The following UROS variants were observed in gnomAD, a reference collection of about 807,000 sequenced individuals.
UROS encodes uroporphyrinogen III synthase.
A neutral mutation model predicts 33.0 loss-of-function variants in UROS; 18 were observed. That is an observed-to-expected ratio of 0.55 (90% CI 0.38 to 0.81). The LOEUF (loss-of-function observed/expected upper bound fraction) is 0.81, where lower values mean the gene tolerates loss of function less well. Ranked by LOEUF, UROS falls within the 30% of genes least tolerant of loss-of-function variation. The pLI is 0.00. For missense variants in UROS, 293 were observed against 314.9 expected (o/e 0.93, Z 0.53); for synonymous variants, 114 against 121.1 (o/e 0.94, Z 0.38).
chr10:125,796,266 G>A (rs569379036), intron 7 of UROS, 78 bp from the exon 8 acceptor site: 1 of 1,409,152 alleles, frequency 7.1e-7, no homozygotes, highest in African/African-American at 1.4e-5. Flanking sequence ...CAGCACAGTT[G>A]GTGAAACCTC....
chr10:125,811,850 T>TA (rs1177677972), intron 5 of UROS, among the ~76,000 whole-genome samples: 1 of 152,116 alleles, frequency 6.6e-6, no homozygotes, highest in Non-Finnish European at 1.5e-5. Context: ...TTTAGGCTTT[T>TA]AAAAAAATTA....
Position 125,807,398 on chromosome 10 carries a change from T to C in UROS, c.394+15A>G, listed in dbSNP as rs562120567. ...AAATAAATGGCTTCATTTGGAGTGA[T>C]GTTTTTCTACTTACTGGAACAAATA... is the stretch of plus-strand genomic sequence containing the variant. On this transcript the variant is annotated intron_variant, in intron 6 of 9. Transcript: ENST00000368797. 1.2e-6 allele frequency: 2 copies of C among 1,611,810 alleles called. No homozygotes were observed. The highest frequency in any genetic ancestry group is 2.2e-5 in the East Asian group (1 of 44,866).
chr10:125,799,771 C>A (rs1353457531), intron 6 of UROS, among the ~76,000 whole-genome samples: 1 of 152,164 alleles, frequency 6.6e-6, no homozygotes, highest in Non-Finnish European at 1.5e-5. Context: ...ACCCTGTCAG[C>A]AGAAAGGAGA....
In UROS at chr10:125,800,708, C is replaced by T. The variant is rs139512165; in HGVS notation, c.395-2563G>A. ...TCCTGAGTAGCTGGGATTACAGACG[C>T]GGCCACCAAGCCCAGGTAATTTTTG... On this transcript the variant is annotated intron_variant, in intron 6 of 9. Coordinates refer to ENST00000368797, the MANE Select transcript of UROS (RefSeq NM_000375.3). 1.4e-3 allele frequency among the ~76,000 whole-genome samples: 207 copies of T among 151,942 alleles called. 4 individuals carry two copies. In the South Asian group the frequency reaches 0.027, roughly 20 times the overall value.
intron 8 of UROS, 38 bp from the exon 9 acceptor site, chr10:125,795,016 A>C (rs1851241382): frequency 6.4e-7 from 1 of 1,551,278 alleles, no homozygotes; most frequent in Non-Finnish European, 8.9e-7. Context: ...CCTTGCCATG[A>C]GACTGAGGAG....
intron 1 of UROS, among the ~76,000 whole-genome samples, chr10:125,822,659 T>C (rs542493791): frequency 6.6e-6 from 1 of 152,244 alleles, no homozygotes; most frequent in African/African-American, 2.4e-5. Flanking sequence ...GGTTTTGCCA[T>C]GTTGGCCAGG....
At chr10:125,798,794 A>C (rs1851572790) in intron 6 of UROS, among the ~76,000 whole-genome samples, 1 of 152,212 alleles carries the variant, frequency 6.6e-6, no homozygotes, top group Non-Finnish European at 1.5e-5. Flanking sequence ...CCACTCTGGG[A>C]AGACTTAAGG....
Position 125,815,182 on chromosome 10 carries a change from T to A in UROS, c.148-52A>T, listed in dbSNP as rs770209301. On this transcript the variant is annotated intron_variant, in intron 3 of 9. Coordinates refer to ENST00000368797, the MANE Select transcript of UROS (RefSeq NM_000375.3). ...TTTTATACGATGGCTATGTTCAACA[T>A]CTTCCAAGGAGCTAAGACTCAGAAT... The A allele has an allele frequency of 1.1e-5, 17 of 1,591,150 alleles. No homozygotes were observed. The East Asian group carries it at 3.8e-4, about 36-fold the overall frequency.
intron 1 of UROS, among the ~76,000 whole-genome samples, chr10:125,818,139 TTC>T (rs1389837191): frequency 6.6e-6 from 1 of 152,200 alleles, no homozygotes; most frequent in Non-Finnish European, 1.5e-5. Flanking sequence ...AGCATTTGTC[TTC>T]TTTTTTAATC....
chr10:125,787,103 GT>G (rs1408914894), downstream of UROS, among the ~76,000 whole-genome samples: 1 of 152,230 alleles, frequency 6.6e-6, no homozygotes, highest in Admixed American at 6.5e-5. Flanking sequence ...CGCCAGAACT[GT>G]TAATAGCCTC....
chr10:125,786,522 CCA>C (rs1219136871), downstream of UROS, among the ~76,000 whole-genome samples: 1 of 152,106 alleles, frequency 6.6e-6, no homozygotes, highest in Non-Finnish European at 1.5e-5. Flanking sequence ...CCTCAGCCTC[CCA>C]CAGTGCTGGG....
chr10:125,807,330 G>C, intron 6 of UROS, 83 bp downstream of exon 6: 8 of 1,216,924 alleles, frequency 6.6e-6, no homozygotes, highest in Non-Finnish European at 9.7e-6. Flanking sequence ...AATGCACTGA[G>C]GAAATATTCT....
At chr10:125,788,288 G>C (rs1206811395), downstream of UROS, among the ~76,000 whole-genome samples, 2 of 152,208 alleles carry the variant, frequency 1.3e-5, no homozygotes, top group African/African-American at 4.8e-5. Context: ...CCTCTTCTCA[G>C]TAAATACCGG....
intron 7 of UROS, 76 bp downstream of exon 7, chr10:125,797,989 C>A: frequency 6.4e-7 from 1 of 1,551,262 alleles, no homozygotes. Flanking sequence ...TCTGCAGGGC[C>A]ACCCACTTCT....
chr10:125,785,680 G>A (rs918506795), downstream of UROS: 1 of 152,252 alleles, frequency 6.6e-6, no homozygotes, highest in Admixed American at 6.5e-5. Context: ...CCATCAATGA[G>A]CTGTGGCCGG....
intron 1 of UROS, among the ~76,000 whole-genome samples, chr10:125,820,797 T>TTAGG (rs1853807760): frequency 6.6e-6 from 1 of 152,214 alleles, no homozygotes; most frequent in Non-Finnish European, 1.5e-5. Flanking sequence ...AAGCCCATGC[T>TTAGG]CAGTCTCCTA....
chr10:125,802,720 T>C, intron 6 of UROS: 1 of 1,379,350 alleles, frequency 7.2e-7, no homozygotes. Context: ...AGAGAAAGCC[T>C]AGCAGTATCT....
At chr10:125,796,550 C>T (rs964538317) in intron 7 of UROS, among the ~76,000 whole-genome samples, 8 of 152,232 alleles carry the variant, frequency 5.3e-5, no homozygotes, top group Admixed American at 4.6e-4. Flanking sequence ...TTGCATGACA[C>T]CAGCAAGTGT....
intron 6 of UROS, among the ~76,000 whole-genome samples, chr10:125,799,269 T>C (rs2133851356): frequency 6.6e-6 from 1 of 152,342 alleles, no homozygotes; most frequent in South Asian, 2.1e-4. Context: ...TGGGAGATTG[T>C]TAAATTCGTT....
Sources: gnomAD v4.1 joint callset for allele counts (sites outside exome capture counted in the v4.1 genomes callset) on GRCh38, gnomAD v4.1.1 for gene constraint, MANE v1.5 for transcripts, NCBI Gene and HGNC (gene_info 2026-07-23, HGNC 2026-07-21) for gene names.